RAC1: variants seen among roughly 807,000 people sequenced by gnomAD.
RAC1 encodes Rac family small GTPase 1, also known as ras-related C3 botulinum toxin substrate 1.
In RAC1, 2 loss-of-function variants were observed where a neutral mutation model predicts 25.2. The observed-to-expected ratio is 0.08, with a 90% CI of 0.03 to 0.25. The LOEUF (loss-of-function observed/expected upper bound fraction) is 0.25. RAC1 is among the 10% of genes least tolerant of loss of function. RAC1 has a pLI of 1.00. For synonymous variants in RAC1, 88 were observed against 94.0 expected (o/e 0.94, Z 0.37); for missense variants, 50 against 235.7 (o/e 0.21, Z 5.16).
intron 4 of RAC1, chr7:6,401,664 G>C (rs1164132958): frequency 2.2e-6 from 1 of 451,920 alleles, no homozygotes; most frequent in African/African-American, 2.0e-5. Flanking sequence ...CCATGATCCG[G>C]GAGTCCTAGC....
intron 2 of RAC1, 121 bp from the exon 3 acceptor site, chr7:6,391,803 G>A (rs1459515060): frequency 6.8e-7 from 1 of 1,480,242 alleles, no homozygotes; most frequent in African/African-American, 1.4e-5. Context: ...AGGGACATTT[G>A]CTGGTGTGGC....
chr7:6,400,339 C>A, intron 4 of RAC1, 151 bp downstream of exon 4: 1 of 680,758 alleles, frequency 1.5e-6, no homozygotes, highest in Non-Finnish European at 2.4e-6. Flanking sequence ...TTTTTTTTTT[C>A]TTTTGAGACG....
rs552484333 is a variant in RAC1, at chr7:6,389,761, A to G, written c.108-2163A>G. Among the ~76,000 whole-genome samples, 4 of 152,168 alleles carry G rather than the reference A, an allele frequency of 2.6e-5. No individual in the cohort carries two copies. In the East Asian group the frequency reaches 7.8e-4, roughly 29 times the overall value. On this transcript the variant is annotated intron_variant, in intron 2 of 5. Transcript: ENST00000348035. ...AGGCTGGTCTTGAAGACCTGGCCTC[A>G]GGTGATTCTCCACCTTGGTCTCCCG... is the stretch of plus-strand genomic sequence containing the variant.
intron 4 of RAC1, among the ~76,000 whole-genome samples, chr7:6,401,241 C>T (rs1297176818): frequency 6.6e-6 from 1 of 152,206 alleles, no homozygotes; most frequent in Non-Finnish European, 1.5e-5. Flanking sequence ...CAGGTGTGAG[C>T]CACTATGCCC....
At chr7:6,399,638 C>T (rs1194117715) in intron 3 of RAC1, among the ~76,000 whole-genome samples, 4 of 152,190 alleles carry the variant, frequency 2.6e-5, no homozygotes, top group African/African-American at 9.6e-5. Context: ...AGTCCTCCTT[C>T]CTTGTGGAGG....
Position 6,395,160 on chromosome 7 carries a change from TTC to T in RAC1, c.225+3122_225+3123del, listed in dbSNP as rs1783199763. On this transcript the variant is annotated intron_variant, in intron 3 of 5. Coordinates refer to ENST00000348035, the MANE Select transcript of RAC1 (RefSeq NM_006908.5). Reference sequence around the variant, plus strand: ...TTGTATTTTTAGTAGAGACGGGGGTTTCTCCACTTTGGTCAGGCTGGTCTCCA... The same window carrying T: ...TTGTATTTTTAGTAGAGACGGGGGTTTCCACTTTGGTCAGGCTGGTCTCCA... Among the ~76,000 whole-genome samples, 14 of 152,148 alleles carry T rather than the reference TTC, an allele frequency of 9.2e-5. No individual in the cohort carries two copies. In the South Asian group the frequency reaches 2.9e-3, roughly 32 times the overall value.
chr7:6,400,797 T>G (rs886846676), intron 4 of RAC1, among the ~76,000 whole-genome samples: 5 of 152,126 alleles, frequency 3.3e-5, no homozygotes, highest in African/African-American at 1.2e-4. Flanking sequence ...TGCCTCAGCC[T>G]CCCGAGTAAC....
At chr7:6,380,063 A>C (rs1370587760) in intron 1 of RAC1, among the ~76,000 whole-genome samples, 1 of 152,208 alleles carries the variant, frequency 6.6e-6, no homozygotes, top group African/African-American at 2.4e-5. Context: ...TTGGACATAC[A>C]TTACTGTCCA....
chr7:6,398,968 C>T (rs1783323232), intron 3 of RAC1, among the ~76,000 whole-genome samples: 1 of 152,208 alleles, frequency 6.6e-6, no homozygotes, highest in Non-Finnish European at 1.5e-5. Context: ...AGTGAGAGGG[C>T]CCCTCTCCTG....
intron 1 of RAC1, among the ~76,000 whole-genome samples, chr7:6,383,063 C>T (rs929034051): frequency 6.6e-6 from 1 of 152,180 alleles, no homozygotes. Context: ...TGTTCGTTTC[C>T]TAGAGTGATG....
chr7:6,395,420 CAT>C (rs1175057351), intron 3 of RAC1, among the ~76,000 whole-genome samples: 1 of 152,212 alleles, frequency 6.6e-6, no homozygotes, highest in African/African-American at 2.4e-5. Flanking sequence ...CAGGCACACA[CAT>C]GTGGTTCCGC....
chr7:6,386,802 A>G (rs1342206337), intron 1 of RAC1, among the ~76,000 whole-genome samples: 1 of 151,388 alleles, frequency 6.6e-6, no homozygotes, highest in East Asian at 1.9e-4. Context: ...AAAAAAAAAA[A>G]AAGAAAAAAA....
At chr7:6,377,628 T>C (rs887347160) in intron 1 of RAC1, among the ~76,000 whole-genome samples, 2 of 151,398 alleles carry the variant, frequency 1.3e-5, no homozygotes, top group Admixed American at 1.3e-4. Flanking sequence ...TAGAGATACG[T>C]CTTTGGCCGG....
At chr7:6,384,366 T>G (rs1583260759) in intron 1 of RAC1, among the ~76,000 whole-genome samples, 1 of 152,188 alleles carries the variant, frequency 6.6e-6, no homozygotes, top group Non-Finnish European at 1.5e-5. Context: ...GTTGGAGGCT[T>G]CTTCTAAAAT....
chr7:6,390,934 G>A (rs1387086827), intron 2 of RAC1, among the ~76,000 whole-genome samples: 6 of 151,956 alleles, frequency 3.9e-5, no homozygotes, highest in Admixed American at 3.3e-4. Flanking sequence ...TTTCGCACTT[G>A]TTGCCCAGGC....
At chr7:6,400,325 G>A in intron 4 of RAC1, 137 bp downstream of exon 4, 1 of 817,014 alleles carries the variant, frequency 1.2e-6, no homozygotes, top group Non-Finnish European at 2.0e-6. Context: ...GTACATGATT[G>A]GGTTTTTTTT....
At chr7:6,389,344 G>A (rs1339925902) in intron 2 of RAC1, among the ~76,000 whole-genome samples, 3 of 151,578 alleles carry the variant, frequency 2.0e-5, no homozygotes, top group Non-Finnish European at 2.9e-5. Flanking sequence ...TTATCTAACC[G>A]TTTTCATTTC....
At chr7:6,382,577 C>A (rs34301604) in intron 1 of RAC1, among the ~76,000 whole-genome samples, 3 of 152,158 alleles carry the variant, frequency 2.0e-5, no homozygotes, top group African/African-American at 7.2e-5. Flanking sequence ...GTAAAAAGTT[C>A]TCTTGGCTGG....
At chr7:6,376,305 C>G (rs537508966) in intron 1 of RAC1, among the ~76,000 whole-genome samples, 1 of 147,678 alleles carries the variant, frequency 6.8e-6, no homozygotes, top group Non-Finnish European at 1.5e-5. Context: ...GCCTCAGTGT[C>G]CTTAGTAGCT....
Sources: allele counts gnomAD v4.1 joint callset (sites outside exome capture counted in the v4.1 genomes callset), GRCh38; gene constraint gnomAD v4.1.1; transcripts MANE v1.5; gene names NCBI Gene and HGNC (gene_info 2026-07-23, HGNC 2026-07-21).